Variants in STAB1 observed in about 807,000 individuals in gnomAD.
STAB1 encodes stabilin 1, also known as stabilin-1.
STAB1 carries 250 observed loss-of-function variants against 332.4 expected under a neutral mutation model. That is an observed-to-expected ratio of 0.75 (90% CI 0.68 to 0.84). The LOEUF is 0.84. STAB1 is among the 40% of genes least tolerant of loss of function. The pLI is 0.00. For synonymous variants in STAB1, 1,475 were observed against 1,390.4 expected, an observed-to-expected ratio of 1.06 and a Z score of -1.35; for missense variants, 3,249 against 3,489.7, an observed-to-expected ratio of 0.93 and a Z score of 1.74.
At chr3:52,496,720 C>A (rs1184755099) in intron 1 of STAB1, among the ~76,000 whole-genome samples, 2 of 152,228 alleles carry the variant, frequency 1.3e-5, no homozygotes, top group East Asian at 3.8e-4. Flanking sequence ...CCTCCGCCAC[C>A]TCCTCATGCT....
Position 52,519,398 on chromosome 3 carries a change from C to G in STAB1, c.5169C>G (p.Ile1723Met), listed in dbSNP as rs775357671. ...ALHWEPDDAPIPRRNVTAAAQ... is the reference protein window; with the variant it reads ...ALHWEPDDAPMPRRNVTAAAQ... ...ACTGGGAGCCTGATGATGCTCCCATCCCGAGGGTATGACAAGCACGGGCCT... is the reference window on the plus strand; with the variant it reads ...ACTGGGAGCCTGATGATGCTCCCATGCCGAGGGTATGACAAGCACGGGCCT... The change falls in exon 49 of 69, where the codon ATC (isoleucine) becomes ATG (methionine). Residue 1723 changes from isoleucine (I) to methionine (M), a missense_variant. Ile to Met is a conservative substitution (Grantham distance 10). Coordinates refer to ENST00000321725, the MANE Select transcript of STAB1 (RefSeq NM_015136.3). The G allele has an allele frequency of 1.9e-6, 3 of 1,613,022 alleles. No individual in the cohort carries two copies. Among genetic ancestry groups the G allele is most frequent in the Non-Finnish European group, 2.5e-6 (3 of 1,179,950 alleles).
rs1709377380 is a variant in STAB1, at chr3:52,512,611, G to A, written c.2995G>A (p.Ala999Thr). ...GDIFRELEANAHFSIFYQWLK... is the reference protein window; with the variant it reads ...GDIFRELEANTHFSIFYQWLK... ...CTTCCCTTAGGAGCTGGAGGCAAAT[G>A]CCCACTTCTCCATCTTCTACCAATG... Residue 999 changes from alanine to threonine, a missense_variant, in exon 28 of 69, where the codon GCC becomes ACC. Transcript: ENST00000321725. 1.2e-6 allele frequency: 2 copies of A among 1,613,748 alleles called. No individual in the cohort carries two copies. Among genetic ancestry groups the A allele is most frequent in the Non-Finnish European group, 1.7e-6 (2 of 1,180,010 alleles).
chr3:52,523,466 G>A lies in STAB1; in HGVS notation c.7180G>A (p.Ala2394Thr), dbSNP rs140635028. 2.9e-5 allele frequency: 47 copies of A among 1,610,716 alleles called. No individual in the cohort carries two copies. The African/African-American group carries it at 3.7e-4, about 13-fold the overall frequency. ...GPDLELHASN[A>T]TLLSANASQG... is the part of the protein sequence containing the mutation. ...AGACTTGGAGCTGCATGCCTCCAAC[G>A]CCACCCTCCTAAGTGCCAACGCCAG... Residue 2394 changes from alanine (A) to threonine (T), a missense_variant, in exon 65 of 69, where the codon GCC (alanine) becomes ACC (threonine). Ala to Thr is a moderately conservative substitution (Grantham distance 58, BLOSUM62 0). Transcript: ENST00000321725.
chr3:52,515,562 G>C lies in STAB1; in HGVS notation c.3948+56G>C, dbSNP rs994587198. The C allele has an allele frequency of 1.4e-4, 216 of 1,592,010 alleles. 1 individual carries two copies. The highest frequency in any genetic ancestry group is 1.8e-4 in the Non-Finnish European group (213 of 1,164,768). ...TCCAGAGAGAAGGAGGTGGGAGTGG[G>C]TGGGGGCCCAGGGAGGAGCCCAGTT... On this transcript the variant is annotated intron_variant, in intron 37 of 68. Transcript: ENST00000321725.
intron 22 of STAB1, 118 bp from the exon 23 acceptor site, chr3:52,509,752 C>T: frequency 1.8e-6 from 2 of 1,102,672 alleles, no homozygotes; most frequent in Non-Finnish European, 2.6e-6. Context: ...GATTTTTCCA[C>T]CCTGAAGTCA....
At chr3:52,504,694 G>A (rs375657378) in intron 11 of STAB1, 45 bp from the exon 12 acceptor site, 53 of 1,613,280 alleles carry the variant, frequency 3.3e-5, no homozygotes, top group Admixed American at 8.3e-5. Flanking sequence ...GGTGTGAAGA[G>A]GACTGGCCCC....
intron 34 of STAB1, 26 bp from the exon 35 acceptor site, chr3:52,514,675 G>C: frequency 2.5e-6 from 4 of 1,612,728 alleles, no homozygotes; most frequent in Non-Finnish European, 3.4e-6. Context: ...TAGGTGGGTG[G>C]ATTCAGCCTC....
intron 13 of STAB1, 73 bp from the exon 14 acceptor site, chr3:52,505,244 AGC>A: frequency 6.2e-7 from 1 of 1,607,448 alleles, no homozygotes; most frequent in Non-Finnish European, 8.5e-7. Context: ...TCAGGGCTGG[AGC>A]GCAGCTTCTC....
intron 48 of STAB1, 67 bp downstream of exon 48, chr3:52,518,936 A>G (rs1257071286): frequency 7.8e-4 from 315 of 401,988 alleles, no homozygotes; most frequent in Non-Finnish European, 9.7e-4. Context: ...CCATTGCCCC[A>G]GGCCCCACGG....
chr3:52,520,591 C>T, intron 53 of STAB1, 42 bp downstream of exon 53: 1 of 1,612,780 alleles, frequency 6.2e-7, no homozygotes, highest in Non-Finnish European at 8.5e-7. Flanking sequence ...CCCACCCCGC[C>T]TGTGGTGTCC....
At chr3:52,498,989 G>A (rs1708241669) in intron 1 of STAB1, among the ~76,000 whole-genome samples, 1 of 152,228 alleles carries the variant, frequency 6.6e-6, no homozygotes. Flanking sequence ...GAGGCTCTGG[G>A]GCCCTGGTAT....
intron 49 of STAB1, 39 bp downstream of exon 49, chr3:52,519,443 G>T (rs759816476): frequency 1.2e-6 from 2 of 1,611,956 alleles, no homozygotes; most frequent in Non-Finnish European, 1.7e-6. Context: ...AAGACAGGCA[G>T]GTGGGGGCCT....
rs201405816 is a variant in STAB1, at chr3:52,518,352, G to A, written c.4802G>A (p.Arg1601His). 30 of 1,612,276 alleles carry A rather than the reference G, an allele frequency of 1.9e-5. No individual in the cohort carries two copies. The highest frequency in any genetic ancestry group is 2.4e-5 in the Non-Finnish European group (28 of 1,179,816). Reference sequence around the variant, plus strand: ...AAGCATGCCTCATTCTTCAGCCTCCGCCTCCTGGTGAGTGGCCAGCTTGGG... The same window carrying A: ...AAGCATGCCTCATTCTTCAGCCTCCACCTCCTGGTGAGTGGCCAGCTTGGG... ...RDKHASFFSLRLLEYKELKGD... is the reference protein window; with the variant it reads ...RDKHASFFSLHLLEYKELKGD... Residue 1601 changes from arginine to histidine, a missense_variant, in exon 46 of 69, where the codon CGC (arginine) becomes CAC (histidine). Transcript: ENST00000321725.
In STAB1 at chr3:52,524,383, T is replaced by C. The variant is rs914694922; in HGVS notation, c.*27T>C. ...GAGGCTGGGGCTGAAAGCAGAAGCA[T>C]GCACAGGGAGGAGACCACTTTTATT... On this transcript the variant is annotated 3_prime_UTR_variant, in exon 69 of 69. Coordinates refer to ENST00000321725, the MANE Select transcript of STAB1 (RefSeq NM_015136.3). The C allele has an allele frequency of 6.2e-6, 10 of 1,613,452 alleles. No individual in the cohort carries two copies. The highest frequency in any genetic ancestry group is 8.5e-6 in the Non-Finnish European group (10 of 1,179,902).
intron 36 of STAB1, 36 bp downstream of exon 36, chr3:52,515,081 T>G: frequency 6.2e-7 from 1 of 1,609,576 alleles, no homozygotes; most frequent in Middle Eastern, 1.7e-4. Context: ...GTCCCTGTGT[T>G]GCCTGCCCTC....
rs201452924 is a variant in STAB1, at chr3:52,505,772, C to T, written c.1686C>T (p.Leu562=). 2.8e-4 allele frequency: 450 copies of T among 1,613,902 alleles called. 1 individual carries two copies. The Admixed American group carries it at 4.0e-3, about 14-fold the overall frequency. The part of the protein sequence containing the change: ...DSLRDGRLIY[L]FTAGLSKLQE... ...TGCGTGACGGCCGCCTGATCTACCT[C>T]TTCACAGCGGTAAGCTCAGCGGGAG... The change falls in exon 15 of 69, where the codon CTC becomes CTT. Residue 562 remains leucine (L), a synonymous_variant. Transcript: ENST00000321725.
At chr3:52,508,188 G>T in intron 20 of STAB1, 85 bp from the exon 21 acceptor site, 1 of 1,420,730 alleles carries the variant, frequency 7.0e-7, no homozygotes, top group Non-Finnish European at 9.8e-7. Flanking sequence ...CCGTCACTCT[G>T]GAGATGGGGC....
rs1340931897 is a variant in STAB1, at chr3:52,519,513, C to T, written c.5184C>T (p.Val1728=). 6.2e-7 allele frequency: 1 copy of T among 1,613,272 alleles called. No homozygotes were observed. The highest frequency in any genetic ancestry group is 8.5e-7 in the Non-Finnish European group (1 of 1,180,020). ...PDDAPIPRRN[V]TAAAQGFGYK... ...TGAGAGCCTTTCCTCAGAGAAATGTCACCGCCGCCGCCCAGGGCTTCGGTT... is the reference window on the plus strand; with the variant it reads ...TGAGAGCCTTTCCTCAGAGAAATGTTACCGCCGCCGCCCAGGGCTTCGGTT... The change falls in exon 50 of 69, where the codon GTC becomes GTT. Residue 1728 remains valine, a synonymous_variant. Coordinates refer to ENST00000321725, the MANE Select transcript of STAB1 (RefSeq NM_015136.3).
At chr3:52,519,673 CGT>C in intron 50 of STAB1, 109 bp downstream of exon 50, 2 of 1,468,900 alleles carry the variant, frequency 1.4e-6, no homozygotes, top group African/African-American at 2.8e-5. Context: ...CACACTGTCC[CGT>C]GTGAGCCTGT....
Sources: allele counts gnomAD v4.1 joint callset (sites outside exome capture counted in the v4.1 genomes callset), GRCh38; gene constraint gnomAD v4.1.1; transcripts MANE v1.5; gene names NCBI Gene and HGNC (gene_info 2026-07-23, HGNC 2026-07-21).